The following SSR1 variants were observed in gnomAD, a reference collection of about 807,000 sequenced individuals.
SSR1 encodes the protein signal sequence receptor subunit 1, also known as translocon-associated protein subunit alpha.
SSR1 carries 13 observed loss-of-function variants against 36.1 expected under a neutral mutation model. The ratio of observed to expected loss-of-function variants is 0.36; its 90% CI spans 0.23 to 0.57. SSR1 has a LOEUF of 0.57. SSR1 is among the 20% of genes least tolerant of loss of function. SSR1 has a pLI of 0.81. For missense variants in SSR1, 291 were observed against 338.5 expected (o/e 0.86, Z 1.10); for synonymous variants, 113 against 118.9 (o/e 0.95, Z 0.32).
intron 7 of SSR1, among the ~76,000 whole-genome samples, chr6:7,292,122 T>C (rs1032888260): frequency 6.6e-6 from 1 of 152,174 alleles, no homozygotes; most frequent in East Asian, 1.9e-4. Context: ...CCACTGATGC[T>C]ATATGTCCCA....
In SSR1 at chr6:7,310,174, G is replaced by A. The variant is rs182496487; in HGVS notation, c.80-145C>T. 1.9e-3 allele frequency: 1,161 copies of A among 595,576 alleles called. 8 individuals carry two copies. Among genetic ancestry groups the A allele is most frequent in the South Asian group, 2.9e-3 (138 of 48,146 alleles). 36.9% of individuals were successfully genotyped at this position (595,576 alleles called of 1,614,324 possible). A position where few individuals can be genotyped will look rare whatever the true frequency, so the allele number is the denominator to read the frequency against. ...TGAATGATGCCAATTACAATGCACCGAAGAATATTTATATTTTAGTTTACT... is the reference window on the plus strand; with the variant it reads ...TGAATGATGCCAATTACAATGCACCAAAGAATATTTATATTTTAGTTTACT... On this transcript the variant is annotated intron_variant, in intron 1 of 7. Transcript: ENST00000244763.
rs548362593 is a variant in SSR1, at chr6:7,309,840, G to C, written c.192+77C>G. 14 of 1,186,468 alleles carry C rather than the reference G, an allele frequency of 1.2e-5. No homozygotes were observed. The East Asian group carries it at 3.1e-4, about 26-fold the overall frequency. 73.5% of individuals were successfully genotyped at this position (1,186,468 alleles called of 1,614,324 possible). A position where few individuals can be genotyped will look rare whatever the true frequency, so the allele number is the denominator to read the frequency against. On this transcript the variant is annotated intron_variant, in intron 2 of 7. Coordinates refer to ENST00000244763, the MANE Select transcript of SSR1 (RefSeq NM_003144.5). ...TTATAAATTACCCAGTCTTGGGTAT[G>C]TCTTTATTAGCAGCATGAGAACAGA...
intron 7 of SSR1, 34 bp from the exon 8 acceptor site, chr6:7,289,965 TTATAAG>T (rs766628506): frequency 6.6e-7 from 1 of 1,509,902 alleles, no homozygotes; most frequent in Non-Finnish European, 8.8e-7. Flanking sequence ...AGCTTGCCTA[TTATAAG>T]TATATTGAAT....
rs1561823500 is a variant in SSR1 at position 7,281,273 on chromosome 6, T to G, written c.*8591A>C. On this transcript the variant is annotated 3_prime_UTR_variant, in exon 8 of 8. Transcript: ENST00000244763. ...AGAAAGCAAAGTGCTCGTTTCCATC[T>G]TGGCTTTACCACACTTACAAACTGA... 6.6e-6 allele frequency: 1 copy of G among 152,246 alleles called. No individual in the cohort carries two copies. Among genetic ancestry groups the G allele is most frequent in the East Asian group, 1.9e-4 (1 of 5,204 alleles). The allele number at this position is 152,246 out of a possible 1,614,324, so 9.4% of individuals were successfully genotyped here.
rs1408342402 is a variant in SSR1 at position 7,313,137 on chromosome 6, T to C, written c.-17A>G. On this transcript the variant is annotated 5_prime_UTR_variant, in exon 1 of 8. Transcript: ENST00000244763. ...GAGTCTCATGGCGCTGCCGGTCCAG[T>C]GTCCAGTTTCCGTCGGCTAAGGCTC... The C allele has an allele frequency of 1.9e-6, 3 of 1,596,820 alleles. No individual in the cohort carries two copies. Among genetic ancestry groups the C allele is most frequent in the South Asian group, 2.2e-5 (2 of 89,072 alleles).
At chr6:7,290,903 A>T (rs190975936) in intron 7 of SSR1, among the ~76,000 whole-genome samples, 1 of 151,672 alleles carries the variant, frequency 6.6e-6, no homozygotes, top group East Asian at 2.0e-4. Context: ...AAGAATATTT[A>T]TTTTTTTTGA....
At chr6:7,302,126 T>C (rs975661781) in intron 3 of SSR1, among the ~76,000 whole-genome samples, 4 of 152,242 alleles carry the variant, frequency 2.6e-5, no homozygotes, top group African/African-American at 9.6e-5. Context: ...AATAAAATTA[T>C]ACTTCCTACA....
chr6:7,300,388 C>T (rs1757908120), intron 4 of SSR1, among the ~76,000 whole-genome samples: 1 of 152,242 alleles, frequency 6.6e-6, no homozygotes, highest in Admixed American at 6.5e-5. Context: ...TCATTGATGA[C>T]TGATATATAG....
chr6:7,312,967 C>A, intron 1 of SSR1, 75 bp downstream of exon 1: 2 of 1,465,304 alleles, frequency 1.4e-6, no homozygotes, highest in Non-Finnish European at 9.3e-7. Context: ...GAGCGGCCAC[C>A]GCCTCCAACT....
At chr6:7,308,974 C>G (rs924680348) in intron 2 of SSR1, among the ~76,000 whole-genome samples, 7 of 152,156 alleles carry the variant, frequency 4.6e-5, no homozygotes, top group Admixed American at 3.9e-4. Context: ...GCTATTTCTA[C>G]TATGTTGTTA....
intron 2 of SSR1, among the ~76,000 whole-genome samples, chr6:7,305,098 G>A (rs1758027064): frequency 6.6e-6 from 1 of 152,202 alleles, no homozygotes. Context: ...ATAAATGACA[G>A]GGATAGACAG....
chr6:7,289,915 T>G lies in SSR1; in HGVS notation c.810A>C (p.Arg270Ser). ...TCTGTGCCCGTTTCCTGGGCAACCT[T>G]CTTGGTGAAGCTTTATCTGGAAGAA... ...TLNQINKASP[R>S]RLPRKRAQKR... The change falls in exon 8 of 8, where the codon AGA (arginine) becomes AGC (serine). Residue 270 changes from arginine (R) to serine (S), a missense_variant. Physicochemically the swap from Arg to Ser is moderately radical, Grantham distance 110. Transcript: ENST00000244763. 1 of 1,543,136 alleles carries G rather than the reference T, an allele frequency of 6.5e-7. No individual in the cohort carries two copies. Among genetic ancestry groups the G allele is most frequent in the Non-Finnish European group, 8.7e-7 (1 of 1,155,988 alleles).
chr6:7,303,772 A>C, intron 2 of SSR1, 135 bp from the exon 3 acceptor site: 1 of 590,490 alleles, frequency 1.7e-6, no homozygotes, highest in Non-Finnish European at 2.9e-6. Context: ...GATCACCTGA[A>C]GTCAGGAGCT....
chr6:7,312,775 A>G (rs1758235528), intron 1 of SSR1, among the ~76,000 whole-genome samples: 1 of 152,294 alleles, frequency 6.6e-6, no homozygotes, highest in African/African-American at 2.4e-5. Context: ...GGGCAAGAGG[A>G]GCAAGCCCAG....
Position 7,289,775 on chromosome 6 carries a change from G to A in SSR1, c.*89C>T. The A allele has an allele frequency of 8.3e-7, 1 of 1,209,846 alleles. No individual in the cohort carries two copies. Among genetic ancestry groups the A allele is most frequent in the East Asian group, 2.7e-5 (1 of 37,402 alleles). 74.9% of individuals were successfully genotyped at this position (1,209,846 alleles called of 1,614,324 possible). A position where few individuals can be genotyped will look rare whatever the true frequency, so the allele number is the denominator to read the frequency against. Reference sequence around the variant, plus strand: ...ACACAAGTAGGAGTTGCCTTCTATGGTGACATGGCTTCTCTGCACTAATTC... The same window carrying A: ...ACACAAGTAGGAGTTGCCTTCTATGATGACATGGCTTCTCTGCACTAATTC... On this transcript the variant is annotated 3_prime_UTR_variant, in exon 8 of 8. Coordinates refer to ENST00000244763, the MANE Select transcript of SSR1 (RefSeq NM_003144.5).
intron 2 of SSR1, among the ~76,000 whole-genome samples, chr6:7,308,881 C>T (rs1006017104): frequency 1.3e-5 from 2 of 151,976 alleles, no homozygotes; most frequent in African/African-American, 4.8e-5. Flanking sequence ...AGCAAGCAAG[C>T]GAAAAAGAAA....
At chr6:7,298,115 A>C in intron 5 of SSR1, 114 bp from the exon 6 acceptor site, 1 of 761,792 alleles carries the variant, frequency 1.3e-6, no homozygotes. Flanking sequence ...TGTGGCGAAA[A>C]GGAATAAAAT....
chr6:7,284,706 G>A lies in SSR1; in HGVS notation c.*5158C>T, dbSNP rs1412720849. 1.3e-5 allele frequency: 2 copies of A among 149,304 alleles called. No individual in the cohort carries two copies. Among genetic ancestry groups the A allele is most frequent in the Non-Finnish European group, 3.0e-5 (2 of 67,618 alleles). The allele number at this position is 149,304 out of a possible 1,614,324, so 9.2% of individuals were successfully genotyped here. A position where few individuals can be genotyped will look rare whatever the true frequency, so the allele number is the denominator to read the frequency against. The stretch of plus-strand genomic sequence containing the variant: ...GGTTCAAACCCAGGCAGCCTGACAT[G>A]AGCGTTTCCTTTTTTTTTTTTTCTC... On this transcript the variant is annotated 3_prime_UTR_variant, in exon 8 of 8. Coordinates refer to ENST00000244763, the MANE Select transcript of SSR1 (RefSeq NM_003144.5).
In SSR1 at chr6:7,286,648, G is replaced by C. The variant is rs1757560604; in HGVS notation, c.*3216C>G. On this transcript the variant is annotated 3_prime_UTR_variant, in exon 8 of 8. Transcript: ENST00000244763. ...CAGTGGGCCGGGCACAGTGGCTCAC[G>C]CCTGTAATCCCAGCACACTTTGGGA... The C allele has an allele frequency of 6.6e-6, 1 of 152,180 alleles. No homozygotes were observed. The highest frequency in any genetic ancestry group is 1.5e-5 in the Non-Finnish European group (1 of 68,052). 9.4% of individuals were successfully genotyped at this position (152,180 alleles called of 1,614,324 possible).
Sources: allele counts gnomAD v4.1 joint callset (sites outside exome capture counted in the v4.1 genomes callset), GRCh38; gene constraint gnomAD v4.1.1; transcripts MANE v1.5; gene names NCBI Gene and HGNC (gene_info 2026-07-23, HGNC 2026-07-21).